The following FMN2 variants were observed in gnomAD, a reference collection of about 807,000 sequenced individuals.
FMN2 encodes the protein formin 2, also known as formin-2.
In FMN2, 51 loss-of-function variants were observed where a neutral mutation model predicts 142.3. The ratio of observed to expected loss-of-function variants is 0.36; its 90% CI spans 0.29 to 0.45. The LOEUF (loss-of-function observed/expected upper bound fraction) is 0.45. FMN2 is among the 20% of genes least tolerant of loss of function. The pLI is 1.00. For synonymous variants in FMN2, 882 were observed against 869.8 expected, an observed-to-expected ratio of 1.01 and a Z score of -0.25; for missense variants, 1,936 against 2,122.8, an observed-to-expected ratio of 0.91 and a Z score of 1.73.
chr1:240,388,883 G>A (rs1673509690), intron 14 of FMN2, among the ~76,000 whole-genome samples: 1 of 151,222 alleles, frequency 6.6e-6, no homozygotes, highest in South Asian at 2.1e-4. Flanking sequence ...AAAAAGGGGG[G>A]GGGTCAAGCA....
At chr1:240,465,204 TACTC>T (rs1419601001) in intron 16 of FMN2, among the ~76,000 whole-genome samples, 1 of 152,162 alleles carries the variant, frequency 6.6e-6, no homozygotes, top group Non-Finnish European at 1.5e-5. Flanking sequence ...AGACATCTAA[TACTC>T]ACTTCTGTCT....
At chr1:240,452,945 G>A (rs1468737178) in intron 16 of FMN2, among the ~76,000 whole-genome samples, 1 of 152,104 alleles carries the variant, frequency 6.6e-6, no homozygotes, top group Non-Finnish European at 1.5e-5. Flanking sequence ...GCTGAATAAG[G>A]TATGTAGCAA....
intron 14 of FMN2, among the ~76,000 whole-genome samples, chr1:240,389,246 C>T (rs892756340): frequency 6.6e-6 from 1 of 152,150 alleles, no homozygotes; most frequent in African/African-American, 2.4e-5. Context: ...CAAAACTCTG[C>T]AAAACCATTT....
rs142828738 is a variant in FMN2 at position 240,246,256 on chromosome 1, C to T, written c.4066-11689C>T. Among the ~76,000 whole-genome samples the T allele has an allele frequency of 4.3e-4, 66 of 152,280 alleles. No individual in the cohort carries two copies. The East Asian group carries it at 0.012, about 28-fold the overall frequency. ...TGAAGGCTGCGCTTTTATCGCTCTC[C>T]GCATTCTGTTGTCCGTAACTTAGTC... is the stretch of plus-strand genomic sequence containing the variant. On this transcript the variant is annotated intron_variant, in intron 6 of 17. Coordinates refer to ENST00000319653, the MANE Select transcript of FMN2 (RefSeq NM_020066.5).
intron 7 of FMN2, among the ~76,000 whole-genome samples, chr1:240,276,450 G>A (rs1669216194): frequency 2.0e-5 from 3 of 152,120 alleles, no homozygotes; most frequent in African/African-American, 4.8e-5. Flanking sequence ...CATGTGTCCT[G>A]GTGAAACTGA....
At chr1:240,471,485 C>T (rs1178271212) in intron 16 of FMN2, among the ~76,000 whole-genome samples, 1 of 151,888 alleles carries the variant, frequency 6.6e-6, no homozygotes, top group Non-Finnish European at 1.5e-5. Flanking sequence ...ACACCATTCT[C>T]CTGCCTCAAC....
At chr1:240,290,135 T>C (rs896489642) in intron 7 of FMN2, among the ~76,000 whole-genome samples, 1 of 152,194 alleles carries the variant, frequency 6.6e-6, no homozygotes, top group African/African-American at 2.4e-5. Flanking sequence ...CTTTATTCTT[T>C]TATTTTTTTA....
At chr1:240,306,201 G>T (rs1464221488) in intron 8 of FMN2, among the ~76,000 whole-genome samples, 3 of 152,088 alleles carry the variant, frequency 2.0e-5, no homozygotes, top group Non-Finnish European at 4.4e-5. Flanking sequence ...ACCCACCTCG[G>T]CTTCCCAAAG....
intron 16 of FMN2, among the ~76,000 whole-genome samples, chr1:240,442,672 C>T (rs1274017810): frequency 6.6e-6 from 1 of 152,142 alleles, no homozygotes; most frequent in Non-Finnish European, 1.5e-5. Context: ...CTGTATTAAT[C>T]TTTCTTATGC....
At chr1:240,106,264 T>G (rs1661604716) in intron 1 of FMN2, among the ~76,000 whole-genome samples, 1 of 152,160 alleles carries the variant, frequency 6.6e-6, no homozygotes, top group Non-Finnish European at 1.5e-5. Flanking sequence ...AAATGATGCT[T>G]TCTCCCCAGG....
intron 2 of FMN2, among the ~76,000 whole-genome samples, chr1:240,150,526 A>G (rs1663718155): frequency 6.6e-6 from 1 of 152,224 alleles, no homozygotes; most frequent in Non-Finnish European, 1.5e-5. Flanking sequence ...TCAAGCTGAT[A>G]TTTAATAATA....
At chr1:240,252,953 C>T (rs1430512673) in intron 6 of FMN2, among the ~76,000 whole-genome samples, 40 of 65,332 alleles carry the variant, frequency 6.1e-4, no homozygotes, top group East Asian at 1.5e-3. Context: ...GTCTTGTTCA[C>T]TTTTTTTTTT....
chr1:240,120,826 G>T (rs1318333009), intron 1 of FMN2, among the ~76,000 whole-genome samples: 2 of 152,180 alleles, frequency 1.3e-5, no homozygotes, highest in African/African-American at 2.4e-5. Context: ...TCTGATGAAA[G>T]TTTGTGAATG....
intron 14 of FMN2, among the ~76,000 whole-genome samples, chr1:240,387,011 A>C (rs938939180): frequency 1.3e-5 from 2 of 152,222 alleles, no homozygotes; most frequent in Non-Finnish European, 2.9e-5. Context: ...CGGGGTGGGC[A>C]AAAGGGGAAA....
chr1:240,119,685 C>T (rs368564287), intron 1 of FMN2, among the ~76,000 whole-genome samples: 8 of 152,126 alleles, frequency 5.3e-5, no homozygotes, highest in Non-Finnish European at 8.8e-5. Flanking sequence ...TTAAGGATTT[C>T]GGGGCATATG....
intron 2 of FMN2, among the ~76,000 whole-genome samples, chr1:240,169,590 A>G (rs1310716825): frequency 6.6e-6 from 1 of 152,060 alleles, no homozygotes; most frequent in Non-Finnish European, 1.5e-5. Flanking sequence ...CCTCAGCCTC[A>G]AGTAGCTGGG....
At chr1:240,288,229 T>C (rs1443987421) in intron 7 of FMN2, among the ~76,000 whole-genome samples, 1 of 152,192 alleles carries the variant, frequency 6.6e-6, no homozygotes, top group Admixed American at 6.5e-5. Context: ...GGGAAGGGTC[T>C]GTCCATATTG....
At chr1:240,389,207 A>G (rs756721343) in intron 14 of FMN2, among the ~76,000 whole-genome samples, 4 of 152,224 alleles carry the variant, frequency 2.6e-5, no homozygotes, top group Non-Finnish European at 5.9e-5. Context: ...TGTACATAAG[A>G]AACTGCTACT....
At chr1:240,448,626 G>C (rs953257536) in intron 16 of FMN2, among the ~76,000 whole-genome samples, 3 of 152,036 alleles carry the variant, frequency 2.0e-5, no homozygotes, top group Non-Finnish European at 2.9e-5. Flanking sequence ...GAACAACCTG[G>C]GAAACATAGG....
Sources: allele counts gnomAD v4.1 joint callset (sites outside exome capture counted in the v4.1 genomes callset), GRCh38; gene constraint gnomAD v4.1.1; transcripts MANE v1.5; gene names NCBI Gene and HGNC (gene_info 2026-07-23, HGNC 2026-07-21).